Variants in RASGRF2 observed in about 807,000 individuals in gnomAD.
RASGRF2 encodes the protein ras-specific guanine nucleotide-releasing factor 2.
Under a neutral mutation model 151.0 loss-of-function variants are expected in RASGRF2, and 76 were observed. The ratio of observed to expected loss-of-function variants is 0.50; its 90% CI spans 0.42 to 0.61. The LOEUF is 0.61. Ranked by LOEUF, RASGRF2 falls within the 20% of genes least tolerant of loss-of-function variation. RASGRF2 has a pLI of 0.00. For missense variants in RASGRF2, 1,148 were observed against 1,564.6 expected (o/e 0.73, Z 4.49); for synonymous variants, 504 against 566.5 (o/e 0.89, Z 1.57).
At chr5:81,124,575 G>C (rs1400431787) in intron 16 of RASGRF2, among the ~76,000 whole-genome samples, 1 of 152,042 alleles carries the variant, frequency 6.6e-6, no homozygotes, top group African/African-American at 2.4e-5. Context: ...TGGGACCCCA[G>C]TCATCATTAT....
At chr5:81,220,044 G>A (rs978048252) in intron 26 of RASGRF2, among the ~76,000 whole-genome samples, 1 of 151,838 alleles carries the variant, frequency 6.6e-6, no homozygotes, top group Non-Finnish European at 1.5e-5. Context: ...CCAAGCTGCC[G>A]ATATCTGTTG....
intron 15 of RASGRF2, among the ~76,000 whole-genome samples, chr5:81,123,221 C>G (rs1368645411): frequency 1.3e-5 from 2 of 152,152 alleles, no homozygotes; most frequent in African/African-American, 4.8e-5. Context: ...TATAGAGATT[C>G]AAACTTTGGT....
At chr5:81,126,148 G>T (rs1464787652) in intron 16 of RASGRF2, among the ~76,000 whole-genome samples, 1 of 152,246 alleles carries the variant, frequency 6.6e-6, no homozygotes, top group East Asian at 1.9e-4. Context: ...TTCACTAAAA[G>T]CCTGAGCGAG....
intron 17 of RASGRF2, 133 bp from the exon 18 acceptor site, chr5:81,180,042 G>C: frequency 1.6e-6 from 1 of 611,380 alleles, no homozygotes; most frequent in South Asian, 2.0e-5. Flanking sequence ...ATAGTCTGAA[G>C]CCACGCGCAC....
At chr5:81,195,639 C>T (rs1204702558) in intron 18 of RASGRF2, among the ~76,000 whole-genome samples, 2 of 151,412 alleles carry the variant, frequency 1.3e-5, no homozygotes, top group South Asian at 4.2e-4. Context: ...AGGTGGACCC[C>T]GGGCCAGCAG....
intron 2 of RASGRF2, among the ~76,000 whole-genome samples, chr5:81,051,450 A>G (rs185186346): frequency 3.8e-4 from 58 of 152,302 alleles, no homozygotes; most frequent in African/African-American, 1.2e-3. Context: ...TCAACACCAC[A>G]AAAGAAACCC....
intron 12 of RASGRF2, among the ~76,000 whole-genome samples, chr5:81,095,791 G>C (rs1490392162): frequency 6.6e-6 from 1 of 152,134 alleles, no homozygotes; most frequent in African/African-American, 2.4e-5. Context: ...TATAAGACAA[G>C]TGGAAACATG....
chr5:81,188,557 G>A (rs893844726), intron 18 of RASGRF2, among the ~76,000 whole-genome samples: 3 of 152,082 alleles, frequency 2.0e-5, no homozygotes, highest in Non-Finnish European at 4.4e-5. Context: ...TAGAATGAAG[G>A]TAGGTAGCTT....
At chr5:80,972,567 C>T (rs1011390808) in intron 1 of RASGRF2, among the ~76,000 whole-genome samples, 24 of 152,096 alleles carry the variant, frequency 1.6e-4, no homozygotes, top group African/African-American at 5.8e-4. Context: ...GCAGTCTTTG[C>T]CTCCTGGGTT....
intron 1 of RASGRF2, among the ~76,000 whole-genome samples, chr5:80,990,352 C>T (rs1748611145): frequency 6.6e-6 from 1 of 152,032 alleles, no homozygotes; most frequent in South Asian, 2.1e-4. Flanking sequence ...CCCTCGTGCC[C>T]AATTTCATGT....
At chr5:81,183,420 GC>G (rs1245774344) in intron 18 of RASGRF2, 27 of 561,168 alleles carry the variant, frequency 4.8e-5, no homozygotes, top group Non-Finnish European at 5.6e-5. Context: ...AAATAAGAAT[GC>G]CCCAGGATGT....
At chr5:80,973,263 GGT>G (rs1210264074) in intron 1 of RASGRF2, among the ~76,000 whole-genome samples, 2 of 152,086 alleles carry the variant, frequency 1.3e-5, no homozygotes, top group Non-Finnish European at 2.9e-5. Flanking sequence ...AGTAGGTTGC[GGT>G]TGCCACCCCA....
chr5:81,158,283 G>T (rs925831549), intron 17 of RASGRF2, among the ~76,000 whole-genome samples: 8 of 152,126 alleles, frequency 5.3e-5, no homozygotes, highest in Admixed American at 3.9e-4. Context: ...GGACAGTGGT[G>T]GTAGGGAAAT....
chr5:80,972,384 G>C (rs2112220301), intron 1 of RASGRF2, among the ~76,000 whole-genome samples: 1 of 152,276 alleles, frequency 6.6e-6, no homozygotes, highest in East Asian at 1.9e-4. Context: ...CATTCTAATA[G>C]GTGTGTAGTA....
intron 24 of RASGRF2, among the ~76,000 whole-genome samples, chr5:81,216,367 A>G (rs769569003): frequency 0.011 from 991 of 90,408 alleles, 6 homozygotes; most frequent in African/African-American, 0.018. Context: ...ACACACACAC[A>G]CGCACACACA....
intron 1 of RASGRF2, among the ~76,000 whole-genome samples, chr5:80,977,096 C>A (rs141031795): frequency 6.6e-6 from 1 of 152,126 alleles, no homozygotes; most frequent in Non-Finnish European, 1.5e-5. Context: ...ATTGTAGAGC[C>A]CCAACTGTCG....
chr5:81,081,036 G>A (rs1374661220), intron 7 of RASGRF2, among the ~76,000 whole-genome samples: 2 of 152,086 alleles, frequency 1.3e-5, no homozygotes, highest in Admixed American at 6.5e-5. Context: ...TTTTTGAAAC[G>A]CTGCACAATT....
chr5:81,001,809 T>C lies in RASGRF2; in HGVS notation c.288+40783T>C, dbSNP rs142622534. On this transcript the variant is annotated intron_variant, in intron 1 of 26. Transcript: ENST00000265080. ...TGCAAGGAGGAATTTCTCATCTTAA[T>C]AGACAAACAGTGCCCAGCAGAGATT... 1.6e-4 allele frequency among the ~76,000 whole-genome samples: 25 copies of C among 152,292 alleles called. No homozygotes were observed. The East Asian group carries it at 3.7e-3, about 22-fold the overall frequency.
chr5:81,184,591 A>G (rs1410065631), intron 18 of RASGRF2, among the ~76,000 whole-genome samples: 1 of 152,252 alleles, frequency 6.6e-6, no homozygotes, highest in Non-Finnish European at 1.5e-5. Flanking sequence ...TGGCGCCATC[A>G]GGCTCTGGGT....
Sources: gnomAD v4.1 joint callset for allele counts (sites outside exome capture counted in the v4.1 genomes callset) on GRCh38, gnomAD v4.1.1 for gene constraint, MANE v1.5 for transcripts, NCBI Gene and HGNC (gene_info 2026-07-23, HGNC 2026-07-21) for gene names.